Variants in RBFOX1 observed in about 807,000 individuals in gnomAD.
RBFOX1 encodes the protein RNA binding protein fox-1 homolog 1.
In RBFOX1, 8 loss-of-function variants were observed where a neutral mutation model predicts 57.7. That is an observed-to-expected ratio of 0.14 (90% confidence interval 0.08 to 0.25). RBFOX1 has a LOEUF of 0.25. Among genes scored for constraint, RBFOX1 ranks in the 10% least tolerant of loss-of-function variants. The pLI is 1.00. For missense variants in RBFOX1, 611 were observed against 548.5 expected, an observed-to-expected ratio of 1.11 and a Z score of -1.14; for synonymous variants, 326 against 222.4, an observed-to-expected ratio of 1.47 and a Z score of -4.15.
chr16:6,616,501 C>T (rs545547511), intron 2 of RBFOX1, among the ~76,000 whole-genome samples: 11 of 152,084 alleles, frequency 7.2e-5, no homozygotes, highest in Non-Finnish European at 1.2e-4. Flanking sequence ...AAGGTGAAAC[C>T]CCGACTCTAC....
chr16:7,489,186 G>A (rs920348645), intron 4 of RBFOX1, among the ~76,000 whole-genome samples: 1 of 151,908 alleles, frequency 6.6e-6, no homozygotes, highest in African/African-American at 2.4e-5. Flanking sequence ...GTTTCTCCTA[G>A]GTCTGCCCTA....
intron 4 of RBFOX1, among the ~76,000 whole-genome samples, chr16:7,273,158 CTTCT>C (rs1241622731): frequency 7.4e-6 from 1 of 134,256 alleles, no homozygotes. Context: ...TTTCTCCTTC[CTTCT>C]TTCCTCTCTC....
At chr16:6,568,256 A>C (rs995741598) in intron 2 of RBFOX1, among the ~76,000 whole-genome samples, 3 of 152,182 alleles carry the variant, frequency 2.0e-5, no homozygotes, top group Non-Finnish European at 4.4e-5. Context: ...GTGGTGGTTC[A>C]GTACATCAGC....
intron 3 of RBFOX1, 141 bp downstream of exon 3, chr16:6,654,791 T>C: frequency 1.7e-6 from 1 of 575,798 alleles, no homozygotes; most frequent in South Asian, 3.2e-5. Flanking sequence ...ACAATCAGAC[T>C]TAAAAATGCT....
At chr16:5,663,311 A>G (rs556753864) in intron 3 of RBFOX1, among the ~76,000 whole-genome samples, 5 of 152,170 alleles carry the variant, frequency 3.3e-5, no homozygotes, top group African/African-American at 1.2e-4. Flanking sequence ...CCTGGGTTCA[A>G]GAGGTCTTTC....
intron 3 of RBFOX1, among the ~76,000 whole-genome samples, chr16:6,996,947 A>G (rs1179699273): frequency 6.6e-6 from 1 of 152,186 alleles, no homozygotes; most frequent in Non-Finnish European, 1.5e-5. Flanking sequence ...AATTTTTAAT[A>G]AATTATCAAG....
At chr16:7,672,546 C>T (rs867283203) in intron 13 of RBFOX1, among the ~76,000 whole-genome samples, 7 of 152,182 alleles carry the variant, frequency 4.6e-5, no homozygotes, top group African/African-American at 1.4e-4. Flanking sequence ...GAGAACTGGA[C>T]CTCCAACTGC....
chr16:6,955,232 C>G (rs889400178), intron 3 of RBFOX1, among the ~76,000 whole-genome samples: 1 of 151,952 alleles, frequency 6.6e-6, no homozygotes, highest in Non-Finnish European at 1.5e-5. Context: ...CAGAGTGAGA[C>G]CTTGTCTGGG....
chr16:6,690,207 A>G (rs2060007167), intron 3 of RBFOX1, among the ~76,000 whole-genome samples: 1 of 152,196 alleles, frequency 6.6e-6, no homozygotes, highest in African/African-American at 2.4e-5. Flanking sequence ...CTAATTCAAA[A>G]AGAGTTTACT....
At chr16:7,328,318 A>G (rs2096639104) in intron 4 of RBFOX1, among the ~76,000 whole-genome samples, 1 of 151,932 alleles carries the variant, frequency 6.6e-6, no homozygotes, top group African/African-American at 2.4e-5. Context: ...TGTCTCTACT[A>G]AAAATACAAA....
intron 3 of RBFOX1, among the ~76,000 whole-genome samples, chr16:7,009,435 C>T (rs996693154): frequency 2.0e-5 from 3 of 151,848 alleles, no homozygotes; most frequent in African/African-American, 7.3e-5. Context: ...GCAAGAAACC[C>T]TGCAGATCAC....
intron 3 of RBFOX1, among the ~76,000 whole-genome samples, chr16:6,673,744 G>A (rs1040896433): frequency 3.9e-5 from 6 of 152,346 alleles, no homozygotes; most frequent in Admixed American, 3.9e-4. Flanking sequence ...GGCAAGGACA[G>A]AAATGTATCA....
intron 11 of RBFOX1, among the ~76,000 whole-genome samples, chr16:7,648,994 C>T (rs2064349915): frequency 1.3e-5 from 2 of 152,094 alleles, no homozygotes. Context: ...GACTAAGTTT[C>T]AGTTGTGTTA....
chr16:7,226,019 A>G (rs539423968), intron 4 of RBFOX1, among the ~76,000 whole-genome samples: 3 of 151,442 alleles, frequency 2.0e-5, no homozygotes, highest in Non-Finnish European at 4.4e-5. Flanking sequence ...GAATCTGTAC[A>G]CTCTGCTTTT....
intron 3 of RBFOX1, among the ~76,000 whole-genome samples, chr16:6,925,257 C>G (rs112678250): frequency 0.012 from 1,736 of 149,928 alleles, 36 homozygotes; most frequent in African/African-American, 0.04. Flanking sequence ...CCTCAGTCTC[C>G]CAAGTAGCTG....
At chr16:7,641,625 A>G (rs1181563841) in intron 11 of RBFOX1, among the ~76,000 whole-genome samples, 2 of 152,228 alleles carry the variant, frequency 1.3e-5, no homozygotes, top group African/African-American at 4.8e-5. Flanking sequence ...TATTTGCTAC[A>G]GGAGTCTCAA....
At chr16:6,615,924 G>A (rs751724957) in intron 2 of RBFOX1, among the ~76,000 whole-genome samples, 3 of 152,088 alleles carry the variant, frequency 2.0e-5, no homozygotes, top group African/African-American at 7.2e-5. Flanking sequence ...AACCTCCCTC[G>A]GTGCAGAAAC....
intron 3 of RBFOX1, among the ~76,000 whole-genome samples, chr16:6,981,354 T>C (rs549015990): frequency 1.3e-5 from 2 of 152,226 alleles, no homozygotes; most frequent in Admixed American, 1.3e-4. Flanking sequence ...ACTTTACTTT[T>C]CTGTTTCTGT....
At chr16:6,227,753 T>G (rs2097428820) in intron 1 of RBFOX1, among the ~76,000 whole-genome samples, 1 of 152,196 alleles carries the variant, frequency 6.6e-6, no homozygotes, top group Non-Finnish European at 1.5e-5. Context: ...TCCAAACTTG[T>G]GTTTTGCGAT....
Sources: gnomAD v4.1 joint callset for allele counts (sites outside exome capture counted in the v4.1 genomes callset) on GRCh38, gnomAD v4.1.1 for gene constraint, MANE v1.5 for transcripts, NCBI Gene and HGNC (gene_info 2026-07-23, HGNC 2026-07-21) for gene names.